NALCN: variants seen among roughly 807,000 people sequenced by gnomAD.
NALCN encodes the protein sodium leak channel NALCN.
NALCN carries 111 observed loss-of-function variants against 225.3 expected under a neutral mutation model. The observed-to-expected ratio is 0.49, with a 90% CI of 0.42 to 0.58. The LOEUF is 0.58. NALCN is among the 20% of genes least tolerant of loss of function. The pLI, the probability that NALCN is intolerant of heterozygous loss-of-function variation, is 0.00. For synonymous variants in NALCN, 764 were observed against 769.0 expected, an observed-to-expected ratio of 0.99 and a Z score of 0.11; for missense variants, 1,378 against 2,202.4, an observed-to-expected ratio of 0.63 and a Z score of 7.49.
At chr13:101,313,296 C>T (rs561397546) in intron 7 of NALCN, among the ~76,000 whole-genome samples, 2 of 152,136 alleles carry the variant, frequency 1.3e-5, no homozygotes, top group African/African-American at 4.8e-5. Flanking sequence ...TCTAAAACAC[C>T]AAAAGCAATG....
chr13:101,193,665 G>A (rs2140010625), intron 13 of NALCN, among the ~76,000 whole-genome samples: 1 of 152,270 alleles, frequency 6.6e-6, no homozygotes, highest in South Asian at 2.1e-4. Context: ...GTGCCCAAGA[G>A]ACAGCCACTC....
chr13:101,389,796 C>T (rs1242737004), intron 3 of NALCN, among the ~76,000 whole-genome samples: 1 of 152,142 alleles, frequency 6.6e-6, no homozygotes, highest in African/African-American at 2.4e-5. Flanking sequence ...TGAAATAATA[C>T]ATAGGCCGGG....
At chr13:101,275,995 T>C (rs580981) in intron 10 of NALCN, among the ~76,000 whole-genome samples, 118,885 of 147,504 alleles carry the variant, frequency 0.81, 47,902 homozygotes, top group Non-Finnish European at 0.85. Flanking sequence ...ACCTGGGAGG[T>C]AGAGGTTGCA....
chr13:101,287,671 C>G (rs979466141), intron 9 of NALCN, among the ~76,000 whole-genome samples: 9 of 152,156 alleles, frequency 5.9e-5, no homozygotes, highest in African/African-American at 2.2e-4. Context: ...AAATGAATTT[C>G]CATGGCACTC....
intron 15 of NALCN, among the ~76,000 whole-genome samples, chr13:101,148,154 C>T (rs549799560): frequency 6.6e-6 from 1 of 152,220 alleles, no homozygotes; most frequent in South Asian, 2.1e-4. Flanking sequence ...ACCACTAGAT[C>T]ATTAGCTTAA....
intron 15 of NALCN, among the ~76,000 whole-genome samples, chr13:101,158,301 G>C (rs374356430): frequency 6.6e-6 from 1 of 152,234 alleles, no homozygotes; most frequent in Admixed American, 6.5e-5. Flanking sequence ...AAGAGAAAGA[G>C]AATCTTGTCT....
chr13:101,310,258 C>T (rs981666282), intron 7 of NALCN, among the ~76,000 whole-genome samples: 2 of 152,182 alleles, frequency 1.3e-5, no homozygotes, highest in African/African-American at 4.8e-5. Flanking sequence ...AAAGGAATAG[C>T]CAAGGTCATT....
chr13:101,275,766 T>C (rs1316120775), intron 10 of NALCN, among the ~76,000 whole-genome samples: 1 of 152,106 alleles, frequency 6.6e-6, no homozygotes, highest in Non-Finnish European at 1.5e-5. Flanking sequence ...GGCTTATCTA[T>C]GTTCCTAGGC....
intron 39 of NALCN, 62 bp from the exon 40 acceptor site, chr13:101,065,623 C>CAAA: frequency 6.7e-7 from 1 of 1,500,786 alleles, no homozygotes; most frequent in Admixed American, 2.2e-5. Flanking sequence ...TTGGGTTTCT[C>CAAA]AAAAGAAAAA....
intron 43 of NALCN, 106 bp from the exon 44 acceptor site, chr13:101,055,594 G>A: frequency 1.1e-6 from 1 of 885,432 alleles, no homozygotes; most frequent in Non-Finnish European, 1.7e-6. Flanking sequence ...TGGCTAACGT[G>A]TCCTAGCCAC....
At chr13:101,273,303 C>T (rs2042860790) in intron 10 of NALCN, among the ~76,000 whole-genome samples, 1 of 152,122 alleles carries the variant, frequency 6.6e-6, no homozygotes, top group African/African-American at 2.4e-5. Flanking sequence ...CTGGAGTGAC[C>T]CTTCCCACAG....
chr13:101,303,712 C>A (rs965305604), intron 7 of NALCN, among the ~76,000 whole-genome samples: 4 of 152,094 alleles, frequency 2.6e-5, no homozygotes, highest in African/African-American at 9.7e-5. Context: ...CTGCTTATGC[C>A]TGGAATAAAA....
chr13:101,350,963 A>ATATCTG (rs1376652720), intron 6 of NALCN, among the ~76,000 whole-genome samples: 3 of 152,220 alleles, frequency 2.0e-5, no homozygotes, highest in African/African-American at 7.2e-5. Flanking sequence ...AAATCTCTTT[A>ATATCTG]TATCTGTATC....
chr13:101,375,715 T>C (rs2046670101), intron 6 of NALCN, among the ~76,000 whole-genome samples: 1 of 152,200 alleles, frequency 6.6e-6, no homozygotes. Flanking sequence ...TCTTCATTTA[T>C]AAATAGACAA....
At chr13:101,331,996 T>G (rs948559700) in intron 7 of NALCN, among the ~76,000 whole-genome samples, 10 of 152,142 alleles carry the variant, frequency 6.6e-5, no homozygotes, top group African/African-American at 1.7e-4. Flanking sequence ...AAATCCTCCT[T>G]GGTTGTGGTC....
chr13:101,287,913 T>C (rs776295055), intron 9 of NALCN, among the ~76,000 whole-genome samples: 2 of 152,170 alleles, frequency 1.3e-5, no homozygotes, highest in Non-Finnish European at 2.9e-5. Flanking sequence ...TAATGGAGAA[T>C]CACTAGCAGC....
At position 101,237,290 on chromosome 13, in the gene NALCN, A is replaced by G. The variant is rs1410165110; in HGVS notation, c.1434+465T>C. Reference sequence around the variant, plus strand: ...ATGAGTAATTACAATCTGTAAAGGTAAGTTTTATAAACCTTTAATATTTTC... The same window carrying G: ...ATGAGTAATTACAATCTGTAAAGGTGAGTTTTATAAACCTTTAATATTTTC... On this transcript the variant is annotated intron_variant, in intron 12 of 43. Transcript: ENST00000251127. Among the ~76,000 whole-genome samples, 5 of 152,086 alleles carry G rather than the reference A, an allele frequency of 3.3e-5. No individual in the cohort carries two copies. The East Asian group carries it at 9.6e-4, about 29-fold the overall frequency.
intron 11 of NALCN, among the ~76,000 whole-genome samples, chr13:101,255,518 C>A (rs1202004900): frequency 6.6e-6 from 1 of 152,192 alleles, no homozygotes; most frequent in Non-Finnish European, 1.5e-5. Flanking sequence ...GGAGCAGATG[C>A]AGATTCCTCC....
At chr13:101,168,796 A>G (rs1335154696) in intron 15 of NALCN, among the ~76,000 whole-genome samples, 1 of 151,996 alleles carries the variant, frequency 6.6e-6, no homozygotes, top group Middle Eastern at 3.2e-3. Flanking sequence ...GTATCTCCTT[A>G]TTTTTCCAGT....
Sources: gnomAD v4.1 joint callset for allele counts (sites outside exome capture counted in the v4.1 genomes callset) on GRCh38, gnomAD v4.1.1 for gene constraint, MANE v1.5 for transcripts, NCBI Gene and HGNC (gene_info 2026-07-23, HGNC 2026-07-21) for gene names.